Variants in CTNNA3 observed in about 807,000 individuals in gnomAD.
CTNNA3 encodes catenin alpha 3, also known as catenin alpha-3.
In CTNNA3, 76 loss-of-function variants were observed where a neutral mutation model predicts 95.7. The ratio of observed to expected loss-of-function variants is 0.79; its 90% CI spans 0.66 to 0.96. CTNNA3 has a LOEUF of 0.96. CTNNA3 is among the 40% of genes least tolerant of loss of function. CTNNA3 has a pLI of 0.00. For missense variants in CTNNA3, 1,191 were observed against 1,089.8 expected (o/e 1.09, Z -1.31); for synonymous variants, 431 against 374.4 (o/e 1.15, Z -1.74).
intron 16 of CTNNA3, among the ~76,000 whole-genome samples, chr10:65,975,557 A>G (rs2078193774): frequency 6.6e-6 from 1 of 152,018 alleles, no homozygotes; most frequent in African/African-American, 2.4e-5. Context: ...ATTTTCCCCA[A>G]TTTACAGATG....
At chr10:66,894,715 G>A (rs1013877247) in intron 7 of CTNNA3, among the ~76,000 whole-genome samples, 11 of 151,584 alleles carry the variant, frequency 7.3e-5, no homozygotes, top group African/African-American at 2.7e-4. Context: ...CTGATAATAC[G>A]TATCACTGAT....
intron 15 of CTNNA3, among the ~76,000 whole-genome samples, chr10:65,993,348 T>C (rs1450791895): frequency 2.6e-5 from 4 of 152,226 alleles, no homozygotes; most frequent in Non-Finnish European, 5.9e-5. Flanking sequence ...AGTGTTGAAG[T>C]CTCCAACTAT....
intron 11 of CTNNA3, among the ~76,000 whole-genome samples, chr10:66,411,659 T>C (rs55902601): frequency 0.38 from 58,116 of 151,880 alleles, 11,683 homozygotes; most frequent in African/African-American, 0.5. Context: ...AAATAAATGA[T>C]GACAAACCAG....
chr10:66,174,555 G>A (rs2072969221), intron 13 of CTNNA3, among the ~76,000 whole-genome samples: 1 of 151,906 alleles, frequency 6.6e-6, no homozygotes, highest in South Asian at 2.1e-4. Context: ...AACAACATGG[G>A]TTTGAACTAT....
intron 7 of CTNNA3, among the ~76,000 whole-genome samples, chr10:66,898,724 A>C (rs1321094623): frequency 1.3e-5 from 2 of 152,206 alleles, no homozygotes; most frequent in Non-Finnish European, 2.9e-5. Context: ...TTACAGATTT[A>C]CATGTAAAAT....
intron 5 of CTNNA3, among the ~76,000 whole-genome samples, chr10:67,387,946 C>G (rs1169447341): frequency 6.6e-6 from 1 of 152,010 alleles, no homozygotes; most frequent in African/African-American, 2.4e-5. Flanking sequence ...TAGATAAAAC[C>G]ACAAAGATGG....
intron 6 of CTNNA3, among the ~76,000 whole-genome samples, chr10:67,215,992 T>C (rs1452493960): frequency 1.3e-5 from 2 of 152,152 alleles, no homozygotes; most frequent in Non-Finnish European, 2.9e-5. Flanking sequence ...TTTATGTATA[T>C]AAAAATATTT....
chr10:67,734,910 G>A (rs1180109193), intron 1 of CTNNA3, among the ~76,000 whole-genome samples: 1 of 152,072 alleles, frequency 6.6e-6, no homozygotes, highest in South Asian at 2.1e-4. Flanking sequence ...ACATTAAAAT[G>A]ATGATATAGC....
chr10:66,625,517 T>C (rs751855145), intron 9 of CTNNA3, among the ~76,000 whole-genome samples: 1 of 152,098 alleles, frequency 6.6e-6, no homozygotes, highest in Non-Finnish European at 1.5e-5. Flanking sequence ...GCCCCTCAAG[T>C]AGCTGGGACT....
At chr10:67,628,592 T>A (rs573221213) in intron 2 of CTNNA3, among the ~76,000 whole-genome samples, 20 of 152,250 alleles carry the variant, frequency 1.3e-4, no homozygotes, top group African/African-American at 4.6e-4. Flanking sequence ...ATATATTAAA[T>A]TATATGGGAA....
At chr10:66,872,671 A>AAATAATAATAATAAT (rs35006931) in intron 7 of CTNNA3, among the ~76,000 whole-genome samples, 1,596 of 145,538 alleles carry the variant, frequency 0.011, 34 homozygotes, top group African/African-American at 0.04. Flanking sequence ...CCCGTCTCAA[A>AAATAATAATAATAAT]AATAATAATA....
At chr10:67,483,206 T>C in intron 5 of CTNNA3, among the ~76,000 whole-genome samples, 1 of 151,808 alleles carries the variant, frequency 6.6e-6, no homozygotes, top group Admixed American at 6.6e-5. Flanking sequence ...GAAGTCAGTG[T>C]GGAGATTCCT....
At position 66,695,426 on chromosome 10, in the gene CTNNA3, G is replaced by A. The variant is rs560569542; in HGVS notation, c.1281+70838C>T. The stretch of plus-strand genomic sequence containing the variant: ...CTCCCTCACTTCTAAAATGGAAATA[G>A]AAATTTCTACTTCCCAGGGAAAATG... On this transcript the variant is annotated intron_variant, in intron 9 of 17. Transcript: ENST00000433211. Among the ~76,000 whole-genome samples the A allele has an allele frequency of 4.3e-4, 66 of 152,242 alleles. 1 individual carries two copies. Among genetic ancestry groups the A allele is most frequent in the Middle Eastern group, 3.4e-3 (1 of 294 alleles).
At chr10:66,811,364 T>C (rs6480215) in intron 7 of CTNNA3, among the ~76,000 whole-genome samples, 79,548 of 151,832 alleles carry the variant, frequency 0.52, 21,988 homozygotes, top group East Asian at 0.76. Context: ...TAGAGGCCAG[T>C]GGAAGAGAGG....
At chr10:67,287,351 A>C (rs1265144756) in intron 5 of CTNNA3, among the ~76,000 whole-genome samples, 1 of 152,132 alleles carries the variant, frequency 6.6e-6, no homozygotes, top group East Asian at 1.9e-4. Context: ...AAAAAAAAGA[A>C]AAGAAAAAAC....
chr10:65,978,720 T>TC (rs1399359226), intron 16 of CTNNA3, among the ~76,000 whole-genome samples: 2 of 152,182 alleles, frequency 1.3e-5, no homozygotes, highest in Non-Finnish European at 2.9e-5. Context: ...AACTATTTTT[T>TC]CTCTTTGTAT....
chr10:67,019,692 T>C (rs1014412105), intron 7 of CTNNA3, among the ~76,000 whole-genome samples: 1 of 152,208 alleles, frequency 6.6e-6, no homozygotes, highest in Non-Finnish European at 1.5e-5. Context: ...GGTCTCCCTA[T>C]GTAATGTCAT....
chr10:66,611,846 C>G (rs987274559), intron 10 of CTNNA3, among the ~76,000 whole-genome samples: 5 of 152,046 alleles, frequency 3.3e-5, no homozygotes, highest in African/African-American at 1.2e-4. Flanking sequence ...TAAGGTTACG[C>G]CTTTGATTCT....
chr10:66,306,246 T>G (rs1486746843), intron 12 of CTNNA3, among the ~76,000 whole-genome samples: 2 of 152,212 alleles, frequency 1.3e-5, no homozygotes, highest in East Asian at 3.9e-4. Context: ...GTTCTGTAGT[T>G]TGACTTTCAG....
Sources: gnomAD v4.1 joint callset for allele counts (sites outside exome capture counted in the v4.1 genomes callset) on GRCh38, gnomAD v4.1.1 for gene constraint, MANE v1.5 for transcripts, NCBI Gene and HGNC (gene_info 2026-07-23, HGNC 2026-07-21) for gene names.